Variants in COL12A1 observed in about 807,000 individuals in gnomAD.
The protein encoded by COL12A1 is collagen alpha-1(XII) chain.
COL12A1 carries 114 observed loss-of-function variants against 349.7 expected under a neutral mutation model. The ratio of observed to expected loss-of-function variants is 0.33; its 90% confidence interval spans 0.28 to 0.38. The LOEUF (loss-of-function observed/expected upper bound fraction) is 0.38. COL12A1 is among the 10% of genes least tolerant of loss of function. The probability of loss-of-function intolerance (pLI) is 1.00; values close to 1 mark genes in which losing one functional copy is unlikely to be tolerated. For synonymous variants in COL12A1, 1,369 were observed against 1,329.0 expected, an observed-to-expected ratio of 1.03 and a Z score of -0.66; for missense variants, 3,284 against 3,756.9, an observed-to-expected ratio of 0.87 and a Z score of 3.29.
chr6:75,203,673 C>T (rs1770637126), intron 1 of COL12A1, among the ~76,000 whole-genome samples: 1 of 152,144 alleles, frequency 6.6e-6, no homozygotes, highest in African/African-American at 2.4e-5. Flanking sequence ...TCCTTAAAGA[C>T]AAAGAATCTT....
chr6:75,147,863 C>T (rs1325550195), intron 22 of COL12A1, 59 bp from the exon 23 acceptor site: 2 of 1,565,542 alleles, frequency 1.3e-6, no homozygotes, highest in Non-Finnish European at 1.7e-6. Context: ...CTTTTTCCTA[C>T]TATACTTACA....
chr6:75,089,762 T>G (rs1170834130), intron 63 of COL12A1, among the ~76,000 whole-genome samples: 1 of 152,190 alleles, frequency 6.6e-6, no homozygotes, highest in South Asian at 2.1e-4. Flanking sequence ...TCTAAAACTC[T>G]AGGGCTGCCT....
intron 11 of COL12A1, 53 bp downstream of exon 11, chr6:75,180,886 A>T: frequency 1.3e-6 from 2 of 1,566,472 alleles, no homozygotes; most frequent in Non-Finnish European, 1.7e-6. Flanking sequence ...GTAACTTTGT[A>T]GTGCAATAAA....
chr6:75,178,786 A>T (rs961746828), intron 11 of COL12A1, among the ~76,000 whole-genome samples: 4 of 152,224 alleles, frequency 2.6e-5, no homozygotes, highest in Non-Finnish European at 1.5e-5. Context: ...TAAATATTCA[A>T]CACATCAATA....
rs181085368 is a variant in COL12A1, at chr6:75,165,493, A to T, written c.2983+14T>A. On this transcript the variant is annotated intron_variant, in intron 14 of 65. Transcript: ENST00000322507. ...CACCGGCACACACCCAAACACACCC[A>T]TAATGTTACCTACATTCAGTTGTGG... 1 of 1,611,548 alleles carries T rather than the reference A, an allele frequency of 6.2e-7. No homozygotes were observed. The highest frequency in any genetic ancestry group is 2.2e-5 in the East Asian group (1 of 44,866).
intron 21 of COL12A1, among the ~76,000 whole-genome samples, chr6:75,149,469 CTG>C (rs1767369998): frequency 6.6e-6 from 1 of 152,028 alleles, no homozygotes. Flanking sequence ...GTTTTTCAAT[CTG>C]GGAACAACCT....
At chr6:75,204,341 G>C (rs1270386534) in intron 1 of COL12A1, among the ~76,000 whole-genome samples, 1 of 152,038 alleles carries the variant, frequency 6.6e-6, no homozygotes, top group Non-Finnish European at 1.5e-5. Flanking sequence ...GAAAAGCTGT[G>C]CGCAGATTTT....
Position 75,102,693 on chromosome 6 carries a change from C to A in COL12A1, c.8320-1G>T. The stretch of plus-strand genomic sequence containing the variant: ...TGTCTCCACGAGGACCAGGGGGCCC[C>A]TAAAATACACAAGAGAGAGACAACC... On this transcript the variant is annotated splice_acceptor_variant, in intron 55 of 65. Coordinates refer to ENST00000322507, the MANE Select transcript of COL12A1 (RefSeq NM_004370.6). LOFTEE classifies it high-confidence loss of function. 1 of 1,536,976 alleles carries A rather than the reference C, an allele frequency of 6.5e-7. No homozygotes were observed. The highest frequency in any genetic ancestry group is 8.7e-7 in the Non-Finnish European group (1 of 1,146,672).
At chr6:75,109,267 T>C in intron 51 of COL12A1, 100 bp from the exon 52 acceptor site, 4 of 779,218 alleles carry the variant, frequency 5.1e-6, no homozygotes, top group Non-Finnish European at 7.7e-6. Context: ...TTTTAAGCTA[T>C]TCTCATCCTA....
At position 75,128,312 on chromosome 6, in the gene COL12A1, T is replaced by G; in HGVS notation, c.6324A>C (p.Thr2108=). ...AACACTTACCAGTTCTTCCATTTCC[T>G]GTTAGATGGCCACCATCTCCATCTT... The part of the protein sequence containing the change: ...VYEDGDGGHL[T]GNGRTVGLLP... The change falls in exon 38 of 66, where the codon ACA becomes ACC. Residue 2108 remains threonine, a synonymous_variant. Coordinates refer to ENST00000322507, the MANE Select transcript of COL12A1 (RefSeq NM_004370.6). 1 of 1,602,544 alleles carries G rather than the reference T, an allele frequency of 6.2e-7. No homozygotes were observed. Among genetic ancestry groups the G allele is most frequent in the South Asian group, 1.1e-5 (1 of 87,950 alleles).
chr6:75,160,940 G>A, intron 14 of COL12A1, among the ~76,000 whole-genome samples: 1 of 152,244 alleles, frequency 6.6e-6, no homozygotes, highest in African/African-American at 2.4e-5. Context: ...GTATGTGTGA[G>A]CTATATACAC....
At chr6:75,170,235 G>C (rs1768552433) in intron 13 of COL12A1, among the ~76,000 whole-genome samples, 1 of 152,118 alleles carries the variant, frequency 6.6e-6, no homozygotes, top group African/African-American at 2.4e-5. Flanking sequence ...TCATCTTATA[G>C]ATTGTTCCAG....
At chr6:75,108,927 T>C (rs1768696115) in intron 52 of COL12A1, 91 bp downstream of exon 52, 21 of 1,352,738 alleles carry the variant, frequency 1.6e-5, no homozygotes, top group Admixed American at 6.8e-5. Flanking sequence ...CTGAGAAAAA[T>C]AGAATAAAAT....
intron 13 of COL12A1, among the ~76,000 whole-genome samples, chr6:75,170,434 A>T (rs1302120221): frequency 6.6e-6 from 1 of 152,210 alleles, no homozygotes; most frequent in Non-Finnish European, 1.5e-5. Flanking sequence ...TTGATTTACA[A>T]CCAATGAATT....
intron 14 of COL12A1, among the ~76,000 whole-genome samples, chr6:75,157,132 A>G (rs1241055601): frequency 6.6e-6 from 1 of 152,196 alleles, no homozygotes; most frequent in Non-Finnish European, 1.5e-5. Context: ...TTTGCTTAAT[A>G]TGTAATCAAT....
chr6:75,138,469 G>C lies in COL12A1; in HGVS notation c.5209C>G (p.Leu1737Val), dbSNP rs769221057. 2.9e-5 allele frequency: 47 copies of C among 1,613,768 alleles called. No homozygotes were observed. The South Asian group carries it at 4.6e-4, about 16-fold the overall frequency. Reference sequence around the variant, plus strand: ...CTACGTGTGCGCTCACTGCCAATCAGGTCATCACTTTCTGACTCATCAGGA... The same window carrying C: ...CTACGTGTGCGCTCACTGCCAATCACGTCATCACTTTCTGACTCATCAGGA... ...IYPDESESDD[L>V]IGSERTLPIL... The change falls in exon 29 of 66, where the codon CTG (leucine) becomes GTG (valine). Residue 1737 changes from leucine to valine, a missense_variant. Leu to Val is a conservative substitution (Grantham distance 32). Coordinates refer to ENST00000322507, the MANE Select transcript of COL12A1 (RefSeq NM_004370.6).
intron 5 of COL12A1, among the ~76,000 whole-genome samples, chr6:75,190,206 C>T (rs1398814774): frequency 6.6e-5 from 10 of 151,844 alleles, no homozygotes; most frequent in African/African-American, 1.9e-4. Flanking sequence ...AGGAGTCATA[C>T]AAAAGAAATA....
chr6:75,167,441 C>A (rs1003795307), intron 13 of COL12A1, among the ~76,000 whole-genome samples: 1 of 152,104 alleles, frequency 6.6e-6, no homozygotes, highest in Non-Finnish European at 1.5e-5. Flanking sequence ...GCATTAACGA[C>A]GTTTCAAAAA....
In COL12A1 at chr6:75,138,953, G is replaced by A. The variant is rs1233075420; in HGVS notation, c.4966C>T (p.Pro1656Ser). Residue 1656 changes from proline (P) to serine (S), a missense_variant, in exon 28 of 66, where the codon CCA (proline) becomes TCA (serine). Pro to Ser is a moderately conservative substitution (Grantham distance 74, BLOSUM62 -1). Coordinates refer to ENST00000322507, the MANE Select transcript of COL12A1 (RefSeq NM_004370.6). ...VTAQETTRPV[P>S]APTNLKITEV... ...GTAATCTTTAAGTTTGTTGGGGCTG[G>A]CACGGGTCCTATCATGAGAAAAGGC... The A allele has an allele frequency of 6.2e-7, 1 of 1,613,848 alleles. No homozygotes were observed. The highest frequency in any genetic ancestry group is 8.5e-7 in the Non-Finnish European group (1 of 1,179,920).
Sources: allele counts gnomAD v4.1 joint callset (sites outside exome capture counted in the v4.1 genomes callset), GRCh38; gene constraint gnomAD v4.1.1; transcripts MANE v1.5; gene names NCBI Gene and HGNC (gene_info 2026-07-23, HGNC 2026-07-21).